Variants in TSBP1 observed in about 807,000 individuals in gnomAD.
TSBP1 encodes testis-expressed basic protein 1.
A neutral mutation model predicts 68.8 loss-of-function variants in TSBP1; 56 were observed. The observed-to-expected ratio is 0.81, with a 90% CI of 0.66 to 1.02. The LOEUF is 1.02. TSBP1 is among the 50% of genes least tolerant of loss of function. The pLI is 0.00. For missense variants in TSBP1, 502 were observed against 641.2 expected (o/e 0.78, Z 2.34); for synonymous variants, 171 against 208.7 (o/e 0.82, Z 1.56).
intron 19 of TSBP1, among the ~76,000 whole-genome samples, chr6:32,305,035 C>A (rs1021520660): frequency 6.6e-6 from 1 of 152,200 alleles, no homozygotes; most frequent in Non-Finnish European, 1.5e-5. Context: ...ACAACTGTTT[C>A]AGCACTGACT....
rs1193351765 is a variant in TSBP1, at chr6:32,304,933, C to T, written c.581-2304G>A. 1.3e-5 allele frequency among the ~76,000 whole-genome samples: 2 copies of T among 152,078 alleles called. No individual in the cohort carries two copies. Among genetic ancestry groups the T allele is most frequent in the African/African-American group, 2.4e-5 (1 of 41,408 alleles). ...AATATCTGTTCTCTTCTTCACCATT[C>T]ATTGTATTCTCCTTCTAGATTTCCA... is the stretch of plus-strand genomic sequence containing the variant. On this transcript the variant is annotated intron_variant, in intron 19 of 22. Coordinates refer to ENST00000612031, the Ensembl canonical transcript of TSBP1. This position sits in a 1 kb window ranked among gnomAD's most constrained non-coding sequence, Gnocchi z 4.8.
At chr6:32,344,878 G>A (rs2078290) in intron 9 of TSBP1, among the ~76,000 whole-genome samples, 23,152 of 150,424 alleles carry the variant, frequency 0.15, 2,221 homozygotes, top group East Asian at 0.29. Context: ...GGGGTGGGGG[G>A]GACAGGGTTT....
Position 32,315,856 on chromosome 6 carries a change from T to A in TSBP1, c.560-64A>T. On this transcript the variant is annotated intron_variant, in intron 18 of 22. Transcript: ENST00000612031. This position sits in a 1 kb window ranked among gnomAD's most constrained non-coding sequence, Gnocchi z 5.4. ...CAAATGGAGAAAACATAGCATTATC[T>A]AACATATTTTGTTGGAGTCTGTGAG... is the stretch of plus-strand genomic sequence containing the variant. 1 of 1,108,016 alleles carries A rather than the reference T, an allele frequency of 9.0e-7. No homozygotes were observed. Among genetic ancestry groups the A allele is most frequent in the Non-Finnish European group, 1.3e-6 (1 of 773,104 alleles). The allele number at this position is 1,108,016 out of a possible 1,614,324, so 68.6% of individuals were successfully genotyped here.
chr6:32,300,422 G>T (rs1340163268), intron 21 of TSBP1, among the ~76,000 whole-genome samples: 1 of 152,146 alleles, frequency 6.6e-6, no homozygotes, highest in Non-Finnish European at 1.5e-5. Context: ...AGGCTCTGTT[G>T]TGATAGATTA....
rs766876213 is a variant in TSBP1 at position 32,371,677 on chromosome 6, A to G, written c.13+17T>C. The G allele has an allele frequency of 1.4e-5, 23 of 1,599,012 alleles. No individual in the cohort carries two copies. In the Admixed American group the frequency reaches 3.7e-4, roughly 25 times the overall value. The stretch of plus-strand genomic sequence containing the variant: ...TACTAGAGTTGAGGAAGCCTCAAAG[A>G]GGGAGTTAGTCCATACCCAAGACTG... On this transcript the variant is annotated intron_variant, in intron 1 of 22. Coordinates refer to ENST00000612031, the Ensembl canonical transcript of TSBP1.
intron 4 of TSBP1, among the ~76,000 whole-genome samples, chr6:32,366,944 G>A (rs781740202): frequency 2.0e-5 from 3 of 152,112 alleles, no homozygotes; most frequent in Non-Finnish European, 4.4e-5. Context: ...GAGGTAAGAA[G>A]GAGAAGGATG....
Position 32,368,922 on chromosome 6 carries a change from T to G in TSBP1, c.101-108A>C. 6.1e-6 allele frequency: 8 copies of G among 1,316,922 alleles called. No individual in the cohort carries two copies. In the South Asian group the frequency reaches 1.2e-4, roughly 20 times the overall value. The allele number at this position is 1,316,922 out of a possible 1,614,324, so 81.6% of individuals were successfully genotyped here. On this transcript the variant is annotated intron_variant, in intron 2 of 22. Transcript: ENST00000612031. ...CTATGCTTCTTGCTTACCAAGGTGG[T>G]CCTCCTGATATAATGCATTGTTGTT...
rs373113842 is a variant in TSBP1, at chr6:32,306,521, T to C, written c.581-3892A>G. ...TCATCCCACCAACCCTTGTCTCTCA[T>C]GTCTGGCTTTTCAGCTGCAAGCAGC... On this transcript the variant is annotated intron_variant, in intron 19 of 22. Transcript: ENST00000612031. The surrounding 1 kb of genome is among the most constrained non-coding windows in gnomAD (Gnocchi z 5.1). Among the ~76,000 whole-genome samples the C allele has an allele frequency of 3.1e-3, 469 of 152,334 alleles. 1 individual carries two copies. Among genetic ancestry groups the C allele is most frequent in the African/African-American group, 0.011 (437 of 41,574 alleles).
At chr6:32,369,458 T>G (rs2127667630) in intron 2 of TSBP1, among the ~76,000 whole-genome samples, 1 of 148,590 alleles carries the variant, frequency 6.7e-6, no homozygotes, top group Admixed American at 6.8e-5. Flanking sequence ...GCAACCTCCG[T>G]CTCCTGGGTT....
At chr6:32,322,489 C>T (rs776442574) in intron 18 of TSBP1, 21 of 1,603,144 alleles carry the variant, frequency 1.3e-5, no homozygotes, top group African/African-American at 2.7e-5. Context: ...TACTTACTTG[C>T]GGTTCTCTGT....
intron 19 of TSBP1, among the ~76,000 whole-genome samples, chr6:32,308,616 AT>A (rs142777099): frequency 1.1e-5 from 1 of 92,598 alleles, no homozygotes; most frequent in Non-Finnish European, 2.4e-5. Context: ...AAAAAAAAAA[AT>A]TTTGCTTTTT....
chr6:32,323,204 T>C (rs1767834493), intron 17 of TSBP1, 67 bp from the exon 19 acceptor site: 5 of 1,079,614 alleles, frequency 4.6e-6, no homozygotes, highest in South Asian at 2.7e-5. Flanking sequence ...TAGGGAGGTA[T>C]ATTTGTGTAG....
At position 32,333,807 on chromosome 6, in the gene TSBP1, G is replaced by A. The variant is rs370082389; in HGVS notation, c.472+1630C>T. On this transcript the variant is annotated intron_variant, in intron 14 of 22. Coordinates refer to ENST00000612031, the Ensembl canonical transcript of TSBP1. The surrounding 1 kb of genome is among the most constrained non-coding windows in gnomAD (Gnocchi z 4.2). ...TTGCAGTTAATAATCCTTCACTTCA[G>A]TGTCACTCAGAATGAGAAATATCCA... Among the ~76,000 whole-genome samples, 3 of 151,148 alleles carry A rather than the reference G, an allele frequency of 2.0e-5. No homozygotes were observed. The highest frequency in any genetic ancestry group is 2.1e-4 in the South Asian group (1 of 4,828).
At chr6:32,298,161 T>G (rs1335988326) in intron 22 of TSBP1, among the ~76,000 whole-genome samples, 2 of 152,148 alleles carry the variant, frequency 1.3e-5, no homozygotes, top group African/African-American at 2.4e-5. Flanking sequence ...CTTTTTTTTT[T>G]GTAAGAGAAA....
At position 32,304,343 on chromosome 6, in the gene TSBP1, T is replaced by A. The variant is rs1451718444; in HGVS notation, c.581-1714A>T. ...GCTTACTGGTTGCTATTGGACCAAT[T>A]GCTAAAAATAAAATAAAACAAATCA... On this transcript the variant is annotated intron_variant, in intron 19 of 22. Transcript: ENST00000612031. The surrounding 1 kb of genome is among the most constrained non-coding windows in gnomAD (Gnocchi z 4.8). Among the ~76,000 whole-genome samples the A allele has an allele frequency of 6.6e-6, 1 of 151,606 alleles. No individual in the cohort carries two copies. The highest frequency in any genetic ancestry group is 2.4e-5 in the African/African-American group (1 of 41,202).
At chr6:32,327,962 TTA>T (rs978506591) in intron 16 of TSBP1, among the ~76,000 whole-genome samples, 2 of 140,538 alleles carry the variant, frequency 1.4e-5, no homozygotes, top group African/African-American at 2.7e-5. Context: ...CGACTTATTA[TTA>T]TTTTTTTTTT....
intron 6 of TSBP1, among the ~76,000 whole-genome samples, chr6:32,362,002 A>G (rs1269066139): frequency 2.6e-5 from 4 of 152,102 alleles, no homozygotes; most frequent in Non-Finnish European, 5.9e-5. Context: ...TCATAAGAAG[A>G]GGAACGGGCC....
Position 32,315,924 on chromosome 6 carries a change from C to A in TSBP1, c.560-132G>T. 3.6e-6 allele frequency: 2 copies of A among 558,166 alleles called. No individual in the cohort carries two copies. Among genetic ancestry groups the A allele is most frequent in the Non-Finnish European group, 6.3e-6 (2 of 317,644 alleles). 34.6% of individuals were successfully genotyped at this position (558,166 alleles called of 1,614,324 possible). On this transcript the variant is annotated intron_variant, in intron 18 of 22. Coordinates refer to ENST00000612031, the Ensembl canonical transcript of TSBP1. This position sits in a 1 kb window ranked among gnomAD's most constrained non-coding sequence, Gnocchi z 5.4. Reference sequence around the variant, plus strand: ...CAAAGAAGGAAGCATTCCAAACCACCCTATAGATTAGTTTTAGATTAGTTT... The same window carrying A: ...CAAAGAAGGAAGCATTCCAAACCACACTATAGATTAGTTTTAGATTAGTTT...
In TSBP1 at chr6:32,332,115, A is replaced by C. The variant is rs1480583191; in HGVS notation, c.473-61T>G. On this transcript the variant is annotated intron_variant, in intron 14 of 22. Transcript: ENST00000612031. The stretch of plus-strand genomic sequence containing the variant: ...TATTTGGAGAGTGTATTTTTCACTA[A>C]TTTTATCCTAGAAGTGAGGCTTTGA... 3.1e-6 allele frequency: 4 copies of C among 1,288,230 alleles called. No individual in the cohort carries two copies. The African/African-American group carries it at 4.4e-5, about 14-fold the overall frequency. 79.8% of individuals were successfully genotyped at this position (1,288,230 alleles called of 1,614,324 possible). A position where few individuals can be genotyped will look rare whatever the true frequency, so the allele number is the denominator to read the frequency against.
Sources: gnomAD v4.1 joint callset for allele counts (sites outside exome capture counted in the v4.1 genomes callset) on GRCh38, gnomAD v4.1.1 for gene constraint, Gnocchi (gnomAD v3.1) non-coding constraint, MANE v1.5 for transcripts, NCBI Gene and HGNC (gene_info 2026-07-23, HGNC 2026-07-21) for gene names.